The following ZNHIT6 variants were observed in gnomAD, a reference collection of about 807,000 sequenced individuals.
ZNHIT6 encodes the protein zinc finger HIT-type containing 6, also known as box C/D snoRNA protein 1.
Under a neutral mutation model 57.2 loss-of-function variants are expected in ZNHIT6, and 45 were observed. The ratio of observed to expected loss-of-function variants is 0.79; its 90% confidence interval spans 0.62 to 1.01. The LOEUF (loss-of-function observed/expected upper bound fraction) is 1.01, where lower values mean the gene tolerates loss of function less well. ZNHIT6 is among the 50% of genes least tolerant of loss of function. The pLI is 0.00. For missense variants in ZNHIT6, 528 were observed against 567.3 expected (o/e 0.93, Z 0.70); for synonymous variants, 188 against 190.0 (o/e 0.99, Z 0.09).
intron 8 of ZNHIT6, among the ~76,000 whole-genome samples, chr1:85,667,961 A>AAAAAAAAAAT: frequency 5.5e-5 from 1 of 18,200 alleles, no homozygotes; most frequent in Admixed American, 6.7e-4. Context: ...AAAAAAAAAA[A>AAAAAAAAAAT]ATATATATAT....
intron 5 of ZNHIT6, among the ~76,000 whole-genome samples, chr1:85,701,260 C>T (rs1764296): frequency 0.72 from 109,594 of 152,060 alleles, 42,087 homozygotes; most frequent in East Asian, 0.93. Context: ...GGAAAGGCTC[C>T]GTAGTTTACC....
intron 1 of ZNHIT6, 86 bp from the exon 2 acceptor site, chr1:85,706,593 T>C (rs1474347455): frequency 8.1e-7 from 1 of 1,232,262 alleles, no homozygotes; most frequent in Non-Finnish European, 1.1e-6. Flanking sequence ...ATTTATAAAC[T>C]CAGTGACAAG....
At chr1:85,702,906 C>T (rs184041413) in intron 4 of ZNHIT6, among the ~76,000 whole-genome samples, 1 of 152,066 alleles carries the variant, frequency 6.6e-6, no homozygotes, top group Non-Finnish European at 1.5e-5. Flanking sequence ...TTTATTAAGT[C>T]AAGGAAGAAG....
At chr1:85,662,964 T>C (rs1045489294) in intron 8 of ZNHIT6, among the ~76,000 whole-genome samples, 4 of 152,230 alleles carry the variant, frequency 2.6e-5, no homozygotes, top group Non-Finnish European at 5.9e-5. Context: ...TTGTTCTAGA[T>C]ATTATTTCTT....
chr1:85,690,452 A>T (rs940441646), intron 5 of ZNHIT6, among the ~76,000 whole-genome samples: 4 of 152,188 alleles, frequency 2.6e-5, no homozygotes, highest in Non-Finnish European at 5.9e-5. Context: ...CATCCTTAAA[A>T]ACATGCTCAA....
At chr1:85,666,255 T>C (rs758188043) in intron 8 of ZNHIT6, among the ~76,000 whole-genome samples, 3 of 152,310 alleles carry the variant, frequency 2.0e-5, no homozygotes, top group East Asian at 3.9e-4. Context: ...GAGCAGAGAA[T>C]GGGTATTGGA....
intron 8 of ZNHIT6, among the ~76,000 whole-genome samples, chr1:85,661,906 C>T (rs1661232148): frequency 6.6e-6 from 1 of 151,986 alleles, no homozygotes. Flanking sequence ...TAGACATTTC[C>T]TCTTGTTATT....
chr1:85,688,742 T>C (rs1012216661), intron 5 of ZNHIT6, among the ~76,000 whole-genome samples: 1 of 152,134 alleles, frequency 6.6e-6, no homozygotes, highest in African/African-American at 2.4e-5. Flanking sequence ...TTAGTAATGT[T>C]GGGAGAGAAG....
chr1:85,654,077 T>G lies in ZNHIT6; in HGVS notation c.1394A>C (p.Asn465Thr), dbSNP rs1444438144. 1 of 1,612,494 alleles carries G rather than the reference T, an allele frequency of 6.2e-7. No homozygotes were observed. The highest frequency in any genetic ancestry group is 2.2e-5 in the East Asian group (1 of 44,834). The change falls in exon 10 of 10, where the codon AAC becomes ACC. Residue 465 changes from asparagine to threonine, a missense_variant. Coordinates refer to ENST00000370574, the MANE Select transcript of ZNHIT6 (RefSeq NM_017953.4). Reference sequence around the variant, plus strand: ...AAATGCTCAATTTTCATTGCCAACGTTCTTGGTAGATTCACTCTTCACTAG... The same window carrying G: ...AAATGCTCAATTTTCATTGCCAACGGTCTTGGTAGATTCACTCTTCACTAG... ...LHQVKSESTK[N>T]VGNEN
intron 6 of ZNHIT6, among the ~76,000 whole-genome samples, chr1:85,679,798 T>C (rs1661818409): frequency 6.6e-6 from 1 of 152,140 alleles, no homozygotes; most frequent in African/African-American, 2.4e-5. Flanking sequence ...TTGGCCAAGC[T>C]GGTCTCTAAC....
intron 5 of ZNHIT6, among the ~76,000 whole-genome samples, chr1:85,700,502 C>T (rs1160214207): frequency 6.6e-6 from 1 of 151,940 alleles, no homozygotes; most frequent in Non-Finnish European, 1.5e-5. Flanking sequence ...ATATATTAAA[C>T]CTGGAAAATA....
chr1:85,686,115 C>A (rs1000735417), intron 5 of ZNHIT6, among the ~76,000 whole-genome samples: 1 of 151,922 alleles, frequency 6.6e-6, no homozygotes, highest in Admixed American at 6.6e-5. Context: ...GTGCCCGCCA[C>A]CACACCTGAT....
Position 85,651,438 on chromosome 1 carries a change from A to T in ZNHIT6, c.*2620T>A, listed in dbSNP as rs557668153. ...TTTTTAGTAGACACAGGGTTTTGCC[A>T]TGTTGGCCAGGCTAGTCTCAAACAC... On this transcript the variant is annotated 3_prime_UTR_variant, in exon 10 of 10. Coordinates refer to ENST00000370574, the MANE Select transcript of ZNHIT6 (RefSeq NM_017953.4). 1 of 152,184 alleles carries T rather than the reference A, an allele frequency of 6.6e-6. No individual in the cohort carries two copies. Among genetic ancestry groups the T allele is most frequent in the East Asian group, 1.9e-4 (1 of 5,168 alleles). The allele number at this position is 152,184 out of a possible 1,614,324, so 9.4% of individuals were successfully genotyped here.
intron 5 of ZNHIT6, among the ~76,000 whole-genome samples, chr1:85,693,042 C>T (rs1381802100): frequency 6.6e-6 from 1 of 152,098 alleles, no homozygotes; most frequent in African/African-American, 2.4e-5. Context: ...CTAAAGAACC[C>T]TAGTTCAAAA....
At chr1:85,702,394 T>G (rs1319227858) in intron 4 of ZNHIT6, 134 bp from the exon 5 acceptor site, 1 of 608,364 alleles carries the variant, frequency 1.6e-6, no homozygotes, top group Non-Finnish European at 2.9e-6. Context: ...AGTAATCTCA[T>G]GTAATCTTCA....
In ZNHIT6 at chr1:85,692,901, C is replaced by A. The variant is rs545747343; in HGVS notation, c.1019+9256G>T. On this transcript the variant is annotated intron_variant, in intron 5 of 9. Transcript: ENST00000370574. ...TGAATTCATAAAAGCTTTGTTATTT[C>A]TTTACAAGAGGGACACCTAGTGGCT... 2.6e-5 allele frequency among the ~76,000 whole-genome samples: 4 copies of A among 152,194 alleles called. No homozygotes were observed. The East Asian group carries it at 7.7e-4, about 29-fold the overall frequency.
At chr1:85,699,050 G>A (rs1321135387) in intron 5 of ZNHIT6, among the ~76,000 whole-genome samples, 1 of 152,034 alleles carries the variant, frequency 6.6e-6, no homozygotes. Flanking sequence ...TCAAATAGTA[G>A]AGACAACATG....
intron 4 of ZNHIT6, 27 bp downstream of exon 4, chr1:85,706,051 C>G: frequency 6.5e-7 from 1 of 1,537,328 alleles, no homozygotes; most frequent in Non-Finnish European, 8.9e-7. Flanking sequence ...GGACTTCTAA[C>G]TGGAAGAAAT....
At chr1:85,686,247 C>T (rs904774241) in intron 5 of ZNHIT6, among the ~76,000 whole-genome samples, 1 of 152,142 alleles carries the variant, frequency 6.6e-6, no homozygotes, top group African/African-American at 2.4e-5. Flanking sequence ...AGGTGTGAGC[C>T]ACCGCACCCA....
Sources: gnomAD v4.1 joint callset for allele counts (sites outside exome capture counted in the v4.1 genomes callset) on GRCh38, gnomAD v4.1.1 for gene constraint, MANE v1.5 for transcripts, NCBI Gene and HGNC (gene_info 2026-07-23, HGNC 2026-07-21) for gene names.